CAMK2B: variants seen among roughly 807,000 people sequenced by gnomAD.
CAMK2B encodes calcium/calmodulin dependent protein kinase II beta.
A neutral mutation model predicts 93.7 loss-of-function variants in CAMK2B; 27 were observed. That is an observed-to-expected ratio of 0.29 (90% CI 0.21 to 0.40). The LOEUF (loss-of-function observed/expected upper bound fraction) is 0.40. Ranked by LOEUF, CAMK2B falls within the 10% of genes least tolerant of loss-of-function variation. The pLI is 1.00. For missense variants in CAMK2B, 568 were observed against 895.8 expected (o/e 0.63, Z 4.67); for synonymous variants, 374 against 358.8 (o/e 1.04, Z -0.48).
At position 44,247,183 on chromosome 7, in the gene CAMK2B, G is replaced by T; in HGVS notation, c.351C>A (p.Ile117=). ...YYSEADASHC[I]QQILEAVLHC... is the part of the protein sequence containing the mutation. ...GGAGAACGGCCTCCAGGATCTGCTG[G>T]ATACAGTGACTGTGGCAAACAGCAG... Residue 117 remains isoleucine (I), a synonymous_variant, in exon 6 of 24, where the codon ATC becomes ATA. Transcript: ENST00000395749. 6.2e-7 allele frequency: 1 copy of T among 1,614,156 alleles called. No individual in the cohort carries two copies. Among genetic ancestry groups the T allele is most frequent in the South Asian group, 1.1e-5 (1 of 91,070 alleles).
At chr7:44,231,142 G>C in intron 16 of CAMK2B, 88 bp from the exon 17 acceptor site, 13 of 907,340 alleles carry the variant, frequency 1.4e-5, no homozygotes, top group African/African-American at 1.7e-5. Flanking sequence ...CTGGGCCTGT[G>C]TCAGGACCAG....
rs1321713697 is a variant in CAMK2B, at chr7:44,225,599, A to T, written c.1597+917T>A. Among the ~76,000 whole-genome samples the T allele has an allele frequency of 6.6e-5, 10 of 152,016 alleles. No individual in the cohort carries two copies. The highest frequency in any genetic ancestry group is 2.4e-4 in the African/African-American group (10 of 41,388). On this transcript the variant is annotated intron_variant, in intron 20 of 23. Transcript: ENST00000395749. This position sits in a 1 kb window ranked among gnomAD's most constrained non-coding sequence, Gnocchi z 5.0. The stretch of plus-strand genomic sequence containing the variant: ...TCTCTCGGGCACCCAGGGTGGATCC[A>T]GTGCCCCTTTGAGCCTGCAGCCTGC...
rs570684427 is a variant in CAMK2B, at chr7:44,298,791, T to C, written c.66-14566A>G. ...ATGTTGAAAATATGTTCAACATCAC[T>C]AGCCATGAGAGAAATCAAATCAAAA... On this transcript the variant is annotated intron_variant, in intron 1 of 23. Coordinates refer to ENST00000395749, the MANE Select transcript of CAMK2B (RefSeq NM_001220.5). Among the ~76,000 whole-genome samples, 305 of 152,332 alleles carry C rather than the reference T, an allele frequency of 2.0e-3. 1 individual carries two copies. The highest frequency in any genetic ancestry group is 6.8e-3 in the Middle Eastern group (2 of 294).
chr7:44,263,088 G>A (rs748590547), intron 2 of CAMK2B, 24 bp from the exon 3 acceptor site: 98 of 1,610,912 alleles, frequency 6.1e-5, no homozygotes, highest in South Asian at 9.9e-5. Context: ...AAAACAAGGC[G>A]TCACCTCCTG....
At chr7:44,323,174 C>T (rs1205464030) in intron 1 of CAMK2B, among the ~76,000 whole-genome samples, 3 of 152,236 alleles carry the variant, frequency 2.0e-5, no homozygotes, top group South Asian at 2.1e-4. Flanking sequence ...AGGCCCTTGG[C>T]GTCGCCAGGG....
intron 11 of CAMK2B, 120 bp downstream of exon 11, chr7:44,241,576 ACAGT>A (rs2096679125): frequency 1.4e-6 from 1 of 729,406 alleles, no homozygotes; most frequent in Non-Finnish European, 2.4e-6. Flanking sequence ...GGACTTGCTA[ACAGT>A]CAGTCTTGGG....
chr7:44,256,235 C>A (rs940352977), intron 4 of CAMK2B, among the ~76,000 whole-genome samples: 1 of 152,220 alleles, frequency 6.6e-6, no homozygotes, highest in East Asian at 1.9e-4. Flanking sequence ...GTCATCTGGC[C>A]GGGCTCCTGA....
chr7:44,225,753 A>C lies in CAMK2B; in HGVS notation c.1597+763T>G. 1 of 1,289,302 alleles carries C rather than the reference A, an allele frequency of 7.8e-7. No homozygotes were observed. Among genetic ancestry groups the C allele is most frequent in the Non-Finnish European group, 1.0e-6 (1 of 988,754 alleles). 79.9% of individuals were successfully genotyped at this position (1,289,302 alleles called of 1,614,324 possible). ...GGCAAGCAGACCCCACCTGTCCCTCAAGTACTTACCTAGCCACTGCCCTGC... is the reference window on the plus strand; with the variant it reads ...GGCAAGCAGACCCCACCTGTCCCTCCAGTACTTACCTAGCCACTGCCCTGC... On this transcript the variant is annotated intron_variant, in intron 20 of 23. Coordinates refer to ENST00000395749, the MANE Select transcript of CAMK2B (RefSeq NM_001220.5). This position sits in a 1 kb window ranked among gnomAD's most constrained non-coding sequence, Gnocchi z 5.0.
intron 1 of CAMK2B, among the ~76,000 whole-genome samples, chr7:44,295,614 T>C (rs931452790): frequency 6.6e-5 from 10 of 152,354 alleles, no homozygotes; most frequent in African/African-American, 2.2e-4. Flanking sequence ...TTGTAAGTTC[T>C]ACCTCCAGGA....
intron 2 of CAMK2B, among the ~76,000 whole-genome samples, chr7:44,269,278 G>A (rs569973743): frequency 1.3e-5 from 2 of 152,342 alleles, no homozygotes; most frequent in East Asian, 1.9e-4. Context: ...GCATGGCTCC[G>A]GGGACCCCTC....
At chr7:44,240,882 TC>T in intron 11 of CAMK2B, 133 bp from the exon 12 acceptor site, 2 of 894,684 alleles carry the variant, frequency 2.2e-6, no homozygotes, top group African/African-American at 1.7e-5. Flanking sequence ...ACCTCAGCCT[TC>T]CAGAGAGGCA....
intron 1 of CAMK2B, among the ~76,000 whole-genome samples, chr7:44,288,244 C>G (rs1001474215): frequency 6.6e-6 from 1 of 152,248 alleles, no homozygotes; most frequent in Non-Finnish European, 1.5e-5. Context: ...CACAGAGGCT[C>G]GAAGCCCGGT....
At chr7:44,272,958 G>T (rs1584464610) in intron 2 of CAMK2B, among the ~76,000 whole-genome samples, 1 of 152,206 alleles carries the variant, frequency 6.6e-6, no homozygotes, top group South Asian at 2.1e-4. Flanking sequence ...CAGGGCTATG[G>T]TTTAAGGCCT....
chr7:44,229,648 C>CT (rs2128915716), intron 17 of CAMK2B, 147 bp from the exon 18 acceptor site: 1 of 505,442 alleles, frequency 2.0e-6, no homozygotes, highest in Non-Finnish European at 3.5e-6. Context: ...GGGTGGCCAC[C>CT]TGTGGGGGTC....
intron 1 of CAMK2B, among the ~76,000 whole-genome samples, chr7:44,315,690 C>T (rs1794688504): frequency 6.6e-6 from 1 of 152,144 alleles, no homozygotes. Flanking sequence ...ATATTCCAAT[C>T]CATGAACATG....
chr7:44,246,734 GCA>G (rs1003779895), intron 6 of CAMK2B, among the ~76,000 whole-genome samples: 2 of 152,052 alleles, frequency 1.3e-5, no homozygotes, highest in Non-Finnish European at 1.5e-5. Flanking sequence ...ACACACATGT[GCA>G]CACACACTCA....
rs201188394 is a variant in CAMK2B, at chr7:44,232,831, G to A, written c.1167C>T (p.Asp389=). The change falls in exon 16 of 24, where the codon GAC becomes GAT. Residue 389 remains aspartate (D), a synonymous_variant. Transcript: ENST00000395749. ...PQTTVIHNPV[D]GIKESSDSAN... ...GAAAGTGGGGCAGTACCTTAATCCC[G>A]TCCACTGGGTTATGGATGACGGTGG... 157 of 1,613,874 alleles carry A rather than the reference G, an allele frequency of 9.7e-5. 1 individual carries two copies. The highest frequency in any genetic ancestry group is 4.5e-4 in the Admixed American group (27 of 59,992).
intron 2 of CAMK2B, among the ~76,000 whole-genome samples, chr7:44,274,187 C>A (rs1488038710): frequency 6.6e-6 from 1 of 152,192 alleles, no homozygotes; most frequent in Non-Finnish European, 1.5e-5. Flanking sequence ...TCACTCCACA[C>A]CGAGCTGGAG....
rs773750991 is a variant in CAMK2B at position 44,228,924 on chromosome 7, G to T, written c.1340C>A (p.Ser447Tyr). Reference sequence around the variant, plus strand: ...GTTCAGGATGTCAGAGATCCTGGGGGCTGGGGTGGAACAGATGAGACGTGA... The same window carrying T: ...GTTCAGGATGTCAGAGATCCTGGGGTCTGGGGTGGAACAGATGAGACGTGA... ...PAPFSPLPAP[S>Y]PRISDILNSV... The change falls in exon 19 of 24, where the codon TCC becomes TAC. Residue 447 changes from serine (S) to tyrosine (Y), a missense_variant and splice_region_variant. By Grantham distance (144) the Ser-to-Tyr change is moderately radical (BLOSUM62 -2). Coordinates refer to ENST00000395749, the MANE Select transcript of CAMK2B (RefSeq NM_001220.5). 6 of 1,609,272 alleles carry T rather than the reference G, an allele frequency of 3.7e-6. No homozygotes were observed. Among genetic ancestry groups the T allele is most frequent in the South Asian group, 3.3e-5 (3 of 90,958 alleles).
Sources: gnomAD v4.1 joint callset for allele counts (sites outside exome capture counted in the v4.1 genomes callset) on GRCh38, gnomAD v4.1.1 for gene constraint, Gnocchi (gnomAD v3.1) non-coding constraint, MANE v1.5 for transcripts, NCBI Gene and HGNC (gene_info 2026-07-23, HGNC 2026-07-21) for gene names.